The following OPCML variants were observed in gnomAD, a reference collection of about 807,000 sequenced individuals.
The protein encoded by OPCML is opioid-binding protein/cell adhesion molecule.
A neutral mutation model predicts 37.8 loss-of-function variants in OPCML; 13 were observed. The ratio of observed to expected loss-of-function variants is 0.34; its 90% CI spans 0.22 to 0.55. OPCML has a LOEUF of 0.55. Ranked by LOEUF, OPCML falls within the 20% of genes least tolerant of loss-of-function variation. The pLI is 0.91. For missense variants in OPCML, 341 were observed against 435.6 expected (o/e 0.78, Z 1.93); for synonymous variants, 176 against 168.8 (o/e 1.04, Z -0.33).
rs192378684 is a variant in OPCML at position 132,503,642 on chromosome 11, T to C, written c.505+25419A>G. Among the ~76,000 whole-genome samples the C allele has an allele frequency of 3.0e-3, 455 of 152,288 alleles. 4 individuals carry two copies. Among genetic ancestry groups the C allele is most frequent in the African/African-American group, 0.01 (424 of 41,572 alleles). On this transcript the variant is annotated intron_variant, in intron 4 of 7. Coordinates refer to ENST00000524381, the MANE Select transcript of OPCML (RefSeq NM_001012393.5). ...ATTTATAATATCTCAATAAGTGAGA[T>C]CTTGAAAATAGAAACTAGCATTATA...
At chr11:132,717,397 G>A (rs1300140976) in intron 2 of OPCML, among the ~76,000 whole-genome samples, 1 of 152,072 alleles carries the variant, frequency 6.6e-6, no homozygotes, top group Non-Finnish European at 1.5e-5. Flanking sequence ...TGTGTTTTAA[G>A]CAATATTTTA....
At chr11:132,890,197 T>C (rs999769140) in intron 2 of OPCML, among the ~76,000 whole-genome samples, 1 of 152,186 alleles carries the variant, frequency 6.6e-6, no homozygotes, top group African/African-American at 2.4e-5. Flanking sequence ...TCTTGGAAGC[T>C]TCTGAGTGTT....
intron 2 of OPCML, among the ~76,000 whole-genome samples, chr11:132,836,574 G>A (rs753595169): frequency 3.3e-5 from 5 of 152,160 alleles, no homozygotes; most frequent in African/African-American, 4.8e-5. Context: ...GATTATGACA[G>A]CTCAAATCAA....
At chr11:132,873,133 C>T (rs1369587458) in intron 2 of OPCML, among the ~76,000 whole-genome samples, 3 of 152,140 alleles carry the variant, frequency 2.0e-5, no homozygotes, top group Admixed American at 2.0e-4. Flanking sequence ...AAGAAAGAGG[C>T]TTAATGTTTC....
chr11:133,512,900 T>C (rs907024773), intron 1 of OPCML, among the ~76,000 whole-genome samples: 3 of 152,196 alleles, frequency 2.0e-5, no homozygotes, highest in Admixed American at 2.0e-4. Flanking sequence ...CAGAGACCAA[T>C]ATATATTTCT....
chr11:133,513,686 T>A (rs916560456), intron 1 of OPCML, among the ~76,000 whole-genome samples: 1 of 152,212 alleles, frequency 6.6e-6, no homozygotes, highest in Non-Finnish European at 1.5e-5. Context: ...CTTAGACATC[T>A]CGCCATCCTG....
At chr11:133,094,314 T>C (rs1049008365) in intron 1 of OPCML, among the ~76,000 whole-genome samples, 1 of 152,150 alleles carries the variant, frequency 6.6e-6, no homozygotes, top group Non-Finnish European at 1.5e-5. Flanking sequence ...AAAGGCCAAA[T>C]TTACCATACA....
chr11:133,382,585 CTAGGCTG>C (rs1944953942), intron 1 of OPCML, among the ~76,000 whole-genome samples: 1 of 152,222 alleles, frequency 6.6e-6, no homozygotes. Context: ...TTGGCAGCGT[CTAGGCTG>C]GGCATTTCTA....
At chr11:132,796,711 G>A (rs1938342842) in intron 2 of OPCML, among the ~76,000 whole-genome samples, 1 of 151,718 alleles carries the variant, frequency 6.6e-6, no homozygotes, top group South Asian at 2.1e-4. Context: ...CTGAGTAGCT[G>A]GGACTACAGG....
intron 1 of OPCML, among the ~76,000 whole-genome samples, chr11:133,111,035 A>G (rs1165802168): frequency 2.0e-5 from 3 of 152,168 alleles, no homozygotes; most frequent in African/African-American, 7.2e-5. Context: ...ATAAGTGCAA[A>G]GTGATTAGAA....
At chr11:132,631,817 C>G (rs1940148609) in intron 3 of OPCML, among the ~76,000 whole-genome samples, 1 of 151,976 alleles carries the variant, frequency 6.6e-6, no homozygotes, top group African/African-American at 2.4e-5. Context: ...AAGCACAAGA[C>G]AGGTAGTGTC....
At chr11:133,526,710 C>T (rs1032951477) in intron 1 of OPCML, among the ~76,000 whole-genome samples, 1 of 152,210 alleles carries the variant, frequency 6.6e-6, no homozygotes, top group South Asian at 2.1e-4. Flanking sequence ...ATCCCCACCC[C>T]TCAGGGAAAA....
intron 4 of OPCML, among the ~76,000 whole-genome samples, chr11:132,442,876 A>C (rs1230667620): frequency 6.6e-6 from 1 of 152,080 alleles, no homozygotes; most frequent in African/African-American, 2.4e-5. Context: ...TTGCTTTATA[A>C]ATTCCCCAGT....
intron 1 of OPCML, among the ~76,000 whole-genome samples, chr11:132,983,832 G>T (rs888503967): frequency 1.3e-5 from 2 of 152,088 alleles, no homozygotes; most frequent in African/African-American, 2.4e-5. Flanking sequence ...TTATGTTAAT[G>T]GCCTATTAAC....
chr11:132,616,617 T>G (rs1939041069), intron 3 of OPCML, among the ~76,000 whole-genome samples: 1 of 152,236 alleles, frequency 6.6e-6, no homozygotes, highest in Non-Finnish European at 1.5e-5. Context: ...TTTGTAACAC[T>G]TCTCAAAATT....
intron 1 of OPCML, among the ~76,000 whole-genome samples, chr11:133,337,621 T>C (rs542383569): frequency 6.6e-6 from 1 of 152,218 alleles, no homozygotes; most frequent in African/African-American, 2.4e-5. Flanking sequence ...AGGAAGAGAC[T>C]CCTCATATCT....
intron 4 of OPCML, among the ~76,000 whole-genome samples, chr11:132,510,407 T>C (rs531573470): frequency 6.3e-4 from 96 of 152,248 alleles, no homozygotes; most frequent in Non-Finnish European, 1.2e-4. Flanking sequence ...TGTGAGGACA[T>C]GAGATTTGGA....
chr11:133,213,876 A>T (rs1040518930), intron 1 of OPCML, among the ~76,000 whole-genome samples: 1 of 152,176 alleles, frequency 6.6e-6, no homozygotes, highest in Non-Finnish European at 1.5e-5. Context: ...TTTTTACTTC[A>T]GTCTTTAAAA....
At chr11:133,317,802 C>T (rs1186491125) in intron 1 of OPCML, among the ~76,000 whole-genome samples, 2 of 152,218 alleles carry the variant, frequency 1.3e-5, no homozygotes, top group African/African-American at 2.4e-5. Context: ...TTAAATTTTT[C>T]TCATGTGGCC....
Sources: allele counts gnomAD v4.1 joint callset (sites outside exome capture counted in the v4.1 genomes callset), GRCh38; gene constraint gnomAD v4.1.1; transcripts MANE v1.5; gene names NCBI Gene and HGNC (gene_info 2026-07-23, HGNC 2026-07-21).